Variants in TMEM132D observed in about 807,000 individuals in gnomAD.
TMEM132D encodes the protein transmembrane protein 132D, also known as mature OL transmembrane protein.
In TMEM132D, 21 loss-of-function variants were observed where a neutral mutation model predicts 62.3. The ratio of observed to expected loss-of-function variants is 0.34; its 90% confidence interval spans 0.24 to 0.49. The LOEUF is 0.49. TMEM132D is among the 20% of genes least tolerant of loss of function. The pLI, the probability that TMEM132D is intolerant of heterozygous loss-of-function variation, is 0.99. For synonymous variants in TMEM132D, 621 were observed against 575.6 expected, an observed-to-expected ratio of 1.08 and a Z score of -1.13; for missense variants, 1,346 against 1,402.8, an observed-to-expected ratio of 0.96 and a Z score of 0.65.
intron 1 of TMEM132D, chr12:129,854,596 C>T (rs1873657930): frequency 6.6e-6 from 1 of 152,172 alleles, no homozygotes; most frequent in East Asian, 1.9e-4. Flanking sequence ...ATGAGAACGG[C>T]CCACCAGGAG....
intron 2 of TMEM132D, among the ~76,000 whole-genome samples, chr12:129,595,667 A>G (rs1878316723): frequency 6.6e-6 from 1 of 152,214 alleles, no homozygotes. Context: ...CAATTTGTCT[A>G]TGGCTGTAAG....
intron 2 of TMEM132D, among the ~76,000 whole-genome samples, chr12:129,658,292 C>A (rs978390106): frequency 6.6e-6 from 1 of 152,100 alleles, no homozygotes; most frequent in Non-Finnish European, 1.5e-5. Context: ...GATAAAGTAA[C>A]CTAGAAATGT....
At chr12:129,163,610 C>G (rs1290431957) in intron 5 of TMEM132D, among the ~76,000 whole-genome samples, 2 of 152,230 alleles carry the variant, frequency 1.3e-5, no homozygotes, top group Non-Finnish European at 2.9e-5. Context: ...ATGGACAAAG[C>G]TTCCCCTCCC....
intron 5 of TMEM132D, among the ~76,000 whole-genome samples, chr12:129,209,145 T>C (rs1175080558): frequency 6.6e-6 from 1 of 152,120 alleles, no homozygotes; most frequent in East Asian, 1.9e-4. Flanking sequence ...TGTGGCCGCA[T>C]ACCCATCCAT....
At chr12:129,714,954 G>A (rs1868519248) in intron 1 of TMEM132D, among the ~76,000 whole-genome samples, 1 of 152,140 alleles carries the variant, frequency 6.6e-6, no homozygotes, top group East Asian at 1.9e-4. Flanking sequence ...CAATGCGTAA[G>A]CCGCTCCCCA....
intron 3 of TMEM132D, among the ~76,000 whole-genome samples, chr12:129,470,453 C>A (rs12426641): frequency 0.23 from 34,293 of 152,022 alleles, 4,060 homozygotes; most frequent in East Asian, 0.37. Flanking sequence ...CCCTACTTTG[C>A]GCCAGGCATA....
At chr12:129,783,196 C>G (rs1325597569) in intron 1 of TMEM132D, among the ~76,000 whole-genome samples, 2 of 152,182 alleles carry the variant, frequency 1.3e-5, no homozygotes, top group Admixed American at 1.3e-4. Flanking sequence ...GCACAGATCT[C>G]TTTCCAAAGC....
chr12:129,389,592 TAAACTA>T (rs141533937), intron 3 of TMEM132D, among the ~76,000 whole-genome samples: 13,850 of 151,944 alleles, frequency 0.091, 819 homozygotes, highest in African/African-American at 0.17. Flanking sequence ...CACTAACACT[TAAACTA>T]AAACTAATAT....
At chr12:129,292,012 A>G (rs1175602288) in intron 4 of TMEM132D, among the ~76,000 whole-genome samples, 2 of 152,144 alleles carry the variant, frequency 1.3e-5, no homozygotes, top group Admixed American at 6.5e-5. Context: ...ATATGAGTCC[A>G]CAGCCCCCAC....
intron 1 of TMEM132D, among the ~76,000 whole-genome samples, chr12:129,758,832 C>T (rs1403784920): frequency 6.6e-6 from 1 of 152,008 alleles, no homozygotes; most frequent in African/African-American, 2.4e-5. Context: ...ATGTCCTAGC[C>T]TCAAATCTAT....
intron 3 of TMEM132D, among the ~76,000 whole-genome samples, chr12:129,354,136 T>G (rs1447535907): frequency 6.6e-6 from 1 of 152,066 alleles, no homozygotes; most frequent in Non-Finnish European, 1.5e-5. Flanking sequence ...ACAAGGACCC[T>G]GTCCTTCAGG....
intron 2 of TMEM132D, among the ~76,000 whole-genome samples, chr12:129,567,026 G>A (rs1399331110): frequency 2.0e-5 from 3 of 152,154 alleles, no homozygotes; most frequent in African/African-American, 4.8e-5. Flanking sequence ...TCCCTAAAAC[G>A]TATAAAACCA....
intron 4 of TMEM132D, among the ~76,000 whole-genome samples, chr12:129,281,388 G>GT (rs1266953849): frequency 2.0e-5 from 3 of 148,016 alleles, no homozygotes; most frequent in East Asian, 2.0e-4. Flanking sequence ...TTGTTTGTTT[G>GT]TTTTTTTACT....
At chr12:129,369,139 A>G (rs76223238) in intron 3 of TMEM132D, among the ~76,000 whole-genome samples, 2,447 of 152,298 alleles carry the variant, frequency 0.016, 67 homozygotes, top group African/African-American at 0.056. Context: ...CCTTTGTTCT[A>G]TGCAGCTGAC....
chr12:129,720,244 A>G (rs1315592692), intron 1 of TMEM132D, among the ~76,000 whole-genome samples: 1 of 152,182 alleles, frequency 6.6e-6, no homozygotes, highest in Non-Finnish European at 1.5e-5. Context: ...ACTCACACGG[A>G]TGGACCAGAA....
At chr12:129,580,187 C>G (rs747237370) in intron 2 of TMEM132D, among the ~76,000 whole-genome samples, 6 of 152,162 alleles carry the variant, frequency 3.9e-5, no homozygotes, top group African/African-American at 1.2e-4. Context: ...CTTACTCCTC[C>G]ACCTTTCTGG....
intron 2 of TMEM132D, among the ~76,000 whole-genome samples, chr12:129,543,706 C>T (rs1359472555): frequency 2.6e-5 from 4 of 152,180 alleles, no homozygotes; most frequent in Non-Finnish European, 5.9e-5. Flanking sequence ...CACTTTCACA[C>T]CATTGTAAAA....
At chr12:129,558,732 G>C (rs912140856) in intron 2 of TMEM132D, among the ~76,000 whole-genome samples, 3 of 152,172 alleles carry the variant, frequency 2.0e-5, no homozygotes, top group African/African-American at 7.2e-5. Context: ...CTAGTGCTGA[G>C]GCATTCTCCC....
chr12:129,761,720 C>A (rs1466930593), intron 1 of TMEM132D, among the ~76,000 whole-genome samples: 1 of 152,184 alleles, frequency 6.6e-6, no homozygotes, highest in Non-Finnish European at 1.5e-5. Context: ...GCTACGATAA[C>A]TCCCAACAAG....
Sources: allele counts gnomAD v4.1 joint callset (sites outside exome capture counted in the v4.1 genomes callset), GRCh38; gene constraint gnomAD v4.1.1; transcripts MANE v1.5; gene names NCBI Gene and HGNC (gene_info 2026-07-23, HGNC 2026-07-21).